The following DTX2 variants were observed in gnomAD, a reference collection of about 807,000 sequenced individuals.
The protein encoded by DTX2 is probable E3 ubiquitin-protein ligase DTX2.
In DTX2, 29 loss-of-function variants were observed where a neutral mutation model predicts 55.3. The observed-to-expected ratio is 0.52, with a 90% confidence interval of 0.39 to 0.71. The LOEUF (loss-of-function observed/expected upper bound fraction) is 0.71. DTX2 is among the 30% of genes least tolerant of loss of function. The pLI is 0.00. For missense variants in DTX2, 537 were observed against 822.5 expected, an observed-to-expected ratio of 0.65 and a Z score of 4.25; for synonymous variants, 276 against 340.4, an observed-to-expected ratio of 0.81 and a Z score of 2.08.
intron 4 of DTX2, 28 bp downstream of exon 4, chr7:76,483,175 G>C: frequency 6.2e-7 from 1 of 1,600,798 alleles, no homozygotes; most frequent in South Asian, 1.1e-5. Context: ...CGCTCGTTTT[G>C]TCTGCCCTGT....
chr7:76,481,681 A>C (rs898544186), intron 3 of DTX2, among the ~76,000 whole-genome samples: 1 of 151,774 alleles, frequency 6.6e-6, no homozygotes, highest in African/African-American at 2.4e-5. Context: ...TGGTGGGTGG[A>C]GGCCAGGGAT....
chr7:76,494,713 C>G (rs966930176), intron 5 of DTX2, among the ~76,000 whole-genome samples: 6 of 122,484 alleles, frequency 4.9e-5, no homozygotes, highest in African/African-American at 1.6e-4. Flanking sequence ...GAAATAGATT[C>G]GGGAAGCTGG....
At chr7:76,499,513 C>T (rs907507149) in intron 6 of DTX2, among the ~76,000 whole-genome samples, 4 of 151,666 alleles carry the variant, frequency 2.6e-5, no homozygotes, top group African/African-American at 9.7e-5. Flanking sequence ...AAACCAGAGC[C>T]CCTTCTGGTC....
At chr7:76,493,780 A>G (rs1810631412) in intron 5 of DTX2, among the ~76,000 whole-genome samples, 1 of 137,706 alleles carries the variant, frequency 7.3e-6, no homozygotes, top group East Asian at 2.3e-4. Flanking sequence ...GGCTTGAAAC[A>G]TTCAGAGGCA....
intron 7 of DTX2, among the ~76,000 whole-genome samples, chr7:76,501,584 G>A (rs538698245): frequency 3.5e-4 from 53 of 151,246 alleles, no homozygotes; most frequent in African/African-American, 1.2e-3. Flanking sequence ...CCGAGGGCGC[G>A]CCTCTCCCTG....
intron 4 of DTX2, among the ~76,000 whole-genome samples, chr7:76,491,190 A>AT (rs2116481826): frequency 6.7e-6 from 1 of 149,648 alleles, no homozygotes; most frequent in East Asian, 2.0e-4. Context: ...TAGAGACAGG[A>AT]TTTTGCCATC....
rs750652106 is a variant in DTX2 at position 76,505,444 on chromosome 7, G to A, written c.1712G>A (p.Gly571Asp). 1 of 1,605,270 alleles carries A rather than the reference G, an allele frequency of 6.2e-7. No homozygotes were observed. Among genetic ancestry groups the A allele is most frequent in the South Asian group, 1.1e-5 (1 of 89,494 alleles). ...ACAGTGGGCACGTCCAGCACCACGG[G>A]TGAGACGGACACCGTGGTATGGAAC... ...IFTVGTSSTT[G>D]ETDTVVWNEI... The change falls in exon 11 of 11, where the codon GGT becomes GAT. Residue 571 changes from glycine (G) to aspartate (D), a missense_variant. By Grantham distance (94) the Gly-to-Asp change is moderately conservative. Transcript: ENST00000430490. The surrounding 1 kb of genome is among the most constrained non-coding windows in gnomAD (Gnocchi z 4.4).
intron 2 of DTX2, among the ~76,000 whole-genome samples, chr7:76,471,909 C>T (rs888591065): frequency 1.6e-4 from 24 of 150,656 alleles, no homozygotes; most frequent in African/African-American, 5.9e-4. Context: ...CCATGGGTGC[C>T]CTTTGGAAGG....
Position 76,492,235 on chromosome 7 carries a change from G to C in DTX2, c.991G>C (p.Val331Leu), listed in dbSNP as rs997281250. Residue 331 changes from valine (V) to leucine (L), a missense_variant, in exon 5 of 11, where the codon GTC becomes CTC. Physicochemically the swap from Val to Leu is conservative, Grantham distance 32. Coordinates refer to ENST00000430490, the MANE Select transcript of DTX2 (RefSeq NM_001102594.3). The stretch of plus-strand genomic sequence containing the variant: ...CATGCAGATGCCAAAGCCCAGCAGA[G>C]TCCAGCAGGCGCTCGCAGGTAGGTG... Reference protein sequence around the residue: ...VPMQMPKPSRVQQALAGMTSV... With the variant: ...VPMQMPKPSRLQQALAGMTSV... 4.7e-6 allele frequency: 5 copies of C among 1,063,700 alleles called. No individual in the cohort carries two copies. In the Admixed American group the frequency reaches 8.1e-5, roughly 17 times the overall value. The allele number at this position is 1,063,700 out of a possible 1,614,324, so 65.9% of individuals were successfully genotyped here.
chr7:76,486,869 C>CTGG, intron 4 of DTX2, among the ~76,000 whole-genome samples: 2 of 135,544 alleles, frequency 1.5e-5, no homozygotes, highest in African/African-American at 5.8e-5. Flanking sequence ...GCTGCTGCTG[C>CTGG]TGCTGCTGCT....
At chr7:76,474,905 A>G (rs565013473) in intron 2 of DTX2, 19 of 152,300 alleles carry the variant, frequency 1.2e-4, no homozygotes, top group African/African-American at 4.6e-4. Flanking sequence ...TGCCTCAGCC[A>G]CGATCCTCTG....
chr7:76,494,572 T>C (rs1810716462), intron 5 of DTX2, among the ~76,000 whole-genome samples: 1 of 75,840 alleles, frequency 1.3e-5, no homozygotes, highest in African/African-American at 6.1e-5. Context: ...CCTGCCCCCT[T>C]CCTCTGCTCT....
rs1410898156 is a variant in DTX2, at chr7:76,475,390, G to A, written c.-89-5031G>A. Reference sequence around the variant, plus strand: ...TAGAACATTTGCAAGTACAGAAAGAGGTAAAGAAAGAATAGCCCAGGTGCA... The same window carrying A: ...TAGAACATTTGCAAGTACAGAAAGAAGTAAAGAAAGAATAGCCCAGGTGCA... On this transcript the variant is annotated intron_variant, in intron 2 of 10. Coordinates refer to ENST00000430490, the MANE Select transcript of DTX2 (RefSeq NM_001102594.3). 2.0e-5 allele frequency among the ~76,000 whole-genome samples: 3 copies of A among 150,396 alleles called. No homozygotes were observed. In the Admixed American group the frequency reaches 2.0e-4, roughly 10 times the overall value.
chr7:76,505,540 A>G lies in DTX2; in HGVS notation c.1808A>G (p.Gln603Arg). Residue 603 changes from glutamine (Q) to arginine (R), a missense_variant, in exon 11 of 11, where the codon CAG becomes CGG. This residue lies in a region of DTX2 where 59 missense variants were observed against 54.1 expected (regional missense o/e 1.09). Transcript: ENST00000430490. This position sits in a 1 kb window ranked among gnomAD's most constrained non-coding sequence, Gnocchi z 4.4. ...GGCTATCCCGACCCCAACTACCTGCAGAACGTGCTGGCTGAGCTGGCTGCC... is the reference window on the plus strand; with the variant it reads ...GGCTATCCCGACCCCAACTACCTGCGGAACGTGCTGGCTGAGCTGGCTGCC... ...GHGYPDPNYL[Q>R]NVLAELAAQG... The G allele has an allele frequency of 6.2e-7, 1 of 1,608,458 alleles. No homozygotes were observed. The highest frequency in any genetic ancestry group is 1.1e-5 in the South Asian group (1 of 90,020).
intron 8 of DTX2, among the ~76,000 whole-genome samples, chr7:76,503,207 T>C (rs1431103108): frequency 6.6e-6 from 1 of 152,234 alleles, no homozygotes; most frequent in Non-Finnish European, 1.5e-5. Flanking sequence ...ACCTGTCTCC[T>C]GATAGCATGT....
rs1328662965 is a variant in DTX2 at position 76,480,728 on chromosome 7, C to G, written c.219C>G (p.Ala73=). The change falls in exon 3 of 11, where the codon GCC becomes GCG. Residue 73 remains alanine, a synonymous_variant. Transcript: ENST00000430490. ...TGGGCCAGGCAGACCCCTCGCTGGC[C>G]CCTTACATTATTGACCTCCCCAGCT... The part of the protein sequence containing the change: ...IPLGQADPSL[A]PYIIDLPSWT... The G allele has an allele frequency of 6.2e-7, 1 of 1,613,128 alleles. No individual in the cohort carries two copies. Among genetic ancestry groups the G allele is most frequent in the Non-Finnish European group, 8.5e-7 (1 of 1,179,512 alleles).
chr7:76,468,911 C>T (rs1469971323), intron 2 of DTX2, among the ~76,000 whole-genome samples: 1 of 132,946 alleles, frequency 7.5e-6, no homozygotes. Context: ...TACAGGTGCA[C>T]GCCACTACGC....
chr7:76,475,737 T>C (rs1202989966), intron 2 of DTX2, among the ~76,000 whole-genome samples: 1 of 149,174 alleles, frequency 6.7e-6, no homozygotes, highest in East Asian at 2.0e-4. Context: ...TCCAGTGACA[T>C]TTTAGTGTTG....
intron 7 of DTX2, among the ~76,000 whole-genome samples, chr7:76,501,649 A>C (rs28412600): frequency 0.46 from 56,375 of 121,498 alleles, 10,474 homozygotes; most frequent in Non-Finnish European, 0.49. Flanking sequence ...AGTGCCCATG[A>C]GCTGGCTCCT....
Sources: gnomAD v4.1 joint callset for allele counts (sites outside exome capture counted in the v4.1 genomes callset) on GRCh38, gnomAD v4.1.1 for gene constraint, gnomAD v4.1.1 regional missense constraint, Gnocchi (gnomAD v3.1) non-coding constraint, MANE v1.5 for transcripts, NCBI Gene and HGNC (gene_info 2026-07-23, HGNC 2026-07-21) for gene names.